The following NSUN3 variants were observed in gnomAD, a reference collection of about 807,000 sequenced individuals.
NSUN3 encodes tRNA (cytosine(34)-C(5))-methyltransferase, mitochondrial.
NSUN3 carries 24 observed loss-of-function variants against 36.8 expected under a neutral mutation model. That is an observed-to-expected ratio of 0.65 (90% CI 0.47 to 0.92). The LOEUF is 0.92. Ranked by LOEUF, NSUN3 falls within the 40% of genes least tolerant of loss-of-function variation. The pLI, the probability that NSUN3 is intolerant of heterozygous loss-of-function variation, is 0.00. For missense variants in NSUN3, 381 were observed against 392.8 expected (o/e 0.97, Z 0.25); for synonymous variants, 146 against 145.2 (o/e 1.01, Z -0.04).
At position 94,084,997 on chromosome 3, in the gene NSUN3, T is replaced by C. The variant is rs534210186; in HGVS notation, c.466+547T>C. 4 of 152,340 alleles carry C rather than the reference T, an allele frequency of 2.6e-5. No individual in the cohort carries two copies. The East Asian group carries it at 7.7e-4, about 29-fold the overall frequency. 9.4% of individuals were successfully genotyped at this position (152,340 alleles called of 1,614,324 possible). On this transcript the variant is annotated intron_variant, in intron 3 of 5. Transcript: ENST00000314622. ...ACATTCAAAATATTGTTTCAATATG[T>C]AATCAAAATAGAAATAATGAGATAT...
At chr3:94,112,465 A>G (rs1303192854) in intron 5 of NSUN3, among the ~76,000 whole-genome samples, 4 of 152,182 alleles carry the variant, frequency 2.6e-5, no homozygotes, top group African/African-American at 9.7e-5. Context: ...GAGACTCAAA[A>G]TAATAGGGAC....
intron 5 of NSUN3, among the ~76,000 whole-genome samples, chr3:94,117,783 C>T (rs1049507347): frequency 6.6e-6 from 1 of 152,108 alleles, no homozygotes; most frequent in African/African-American, 2.4e-5. Context: ...TAATCAAGAT[C>T]AACTTTGTTT....
chr3:94,079,973 G>A (rs975688099), intron 2 of NSUN3, among the ~76,000 whole-genome samples: 83 of 152,086 alleles, frequency 5.5e-4, no homozygotes, highest in African/African-American at 1.9e-3. Context: ...TTCCCTTGCC[G>A]GCGAGGAGTT....
Position 94,127,679 on chromosome 3 carries a change from T to C in NSUN3, c.*1189T>C, listed in dbSNP as rs933369253. Reference sequence around the variant, plus strand: ...CAAAAAATAGCATCTCTTTGGAAAATAGCCTTTAAAAAAAAACAACTTTAT... The same window carrying C: ...CAAAAAATAGCATCTCTTTGGAAAACAGCCTTTAAAAAAAAACAACTTTAT... On this transcript the variant is annotated 3_prime_UTR_variant, in exon 6 of 6. Coordinates refer to ENST00000314622, the MANE Select transcript of NSUN3 (RefSeq NM_022072.5). 6.6e-6 allele frequency: 1 copy of C among 152,050 alleles called. No homozygotes were observed. Among genetic ancestry groups the C allele is most frequent in the African/African-American group, 2.4e-5 (1 of 41,374 alleles). The allele number at this position is 152,050 out of a possible 1,614,324, so 9.4% of individuals were successfully genotyped here. A position where few individuals can be genotyped will look rare whatever the true frequency, so the allele number is the denominator to read the frequency against.
At chr3:94,077,645 C>T (rs1196374801) in intron 2 of NSUN3, among the ~76,000 whole-genome samples, 1 of 152,120 alleles carries the variant, frequency 6.6e-6, no homozygotes, top group Non-Finnish European at 1.5e-5. Flanking sequence ...AGGGATTCGA[C>T]TTCTTCCTGG....
intron 5 of NSUN3, among the ~76,000 whole-genome samples, chr3:94,110,640 A>T (rs920746935): frequency 2.0e-5 from 3 of 152,064 alleles, no homozygotes; most frequent in Non-Finnish European, 4.4e-5. Flanking sequence ...ACGATATCAT[A>T]AACAATGATT....
intron 2 of NSUN3, among the ~76,000 whole-genome samples, chr3:94,078,297 CT>C (rs1237772966): frequency 6.6e-6 from 1 of 152,180 alleles, no homozygotes; most frequent in East Asian, 1.9e-4. Context: ...TCACTGTGTT[CT>C]GAGAGACTGT....
In NSUN3 at chr3:94,127,785, C is replaced by T. The variant is rs1337507488; in HGVS notation, c.*1295C>T. On this transcript the variant is annotated 3_prime_UTR_variant, in exon 6 of 6. Coordinates refer to ENST00000314622, the MANE Select transcript of NSUN3 (RefSeq NM_022072.5). ...ATGTTCTGTGCCTTTAAACTAGAGA[C>T]TATTTGCTTATTAATATTTTTTGTT... The T allele has an allele frequency of 6.6e-6, 1 of 152,092 alleles. No homozygotes were observed. Among genetic ancestry groups the T allele is most frequent in the Non-Finnish European group, 1.5e-5 (1 of 68,016 alleles). 9.4% of individuals were successfully genotyped at this position (152,092 alleles called of 1,614,324 possible).
chr3:94,070,875 G>A (rs1051114850), intron 2 of NSUN3, among the ~76,000 whole-genome samples: 1 of 152,192 alleles, frequency 6.6e-6, no homozygotes, highest in African/African-American at 2.4e-5. Context: ...AAGGAGCCTT[G>A]ATTGAGATGT....
intron 5 of NSUN3, among the ~76,000 whole-genome samples, chr3:94,110,310 A>AG (rs1244382625): frequency 2.6e-5 from 4 of 151,406 alleles, no homozygotes; most frequent in Admixed American, 6.6e-5. Context: ...GATAACTTTC[A>AG]TTGATAGGAA....
chr3:94,090,333 A>G (rs1286357756), intron 3 of NSUN3, among the ~76,000 whole-genome samples: 1 of 152,198 alleles, frequency 6.6e-6, no homozygotes, highest in Admixed American at 6.5e-5. Flanking sequence ...AGTTTAACCA[A>G]CCTAAGACCA....
Position 94,089,170 on chromosome 3 carries a change from T to TA in NSUN3, c.466+4721dup, listed in dbSNP as rs374369723. On this transcript the variant is annotated intron_variant, in intron 3 of 5. Transcript: ENST00000314622. ...GCTTCCAGGTAAGTTTAAAGAAACT[T>TA]ACCATTATCCTTTGCAGCACTTTTT... is the stretch of plus-strand genomic sequence containing the variant. Among the ~76,000 whole-genome samples the TA allele has an allele frequency of 3.1e-3, 479 of 152,320 alleles. 3 individuals are homozygous for TA. Among genetic ancestry groups the TA allele is most frequent in the African/African-American group, 0.011 (448 of 41,568 alleles).
chr3:94,074,742 A>G (rs1167034663), intron 2 of NSUN3, among the ~76,000 whole-genome samples: 2 of 152,188 alleles, frequency 1.3e-5, no homozygotes, highest in Non-Finnish European at 2.9e-5. Flanking sequence ...CAATCATGTC[A>G]TCTGCAAACA....
At chr3:94,125,390 C>T (rs539427763) in intron 5 of NSUN3, among the ~76,000 whole-genome samples, 12 of 152,290 alleles carry the variant, frequency 7.9e-5, no homozygotes, top group African/African-American at 2.9e-4. Flanking sequence ...CTGACTGTTA[C>T]TCTGGAGGCT....
intron 5 of NSUN3, among the ~76,000 whole-genome samples, chr3:94,099,484 G>GTAAT (rs2077356330): frequency 6.6e-6 from 1 of 152,088 alleles, no homozygotes; most frequent in African/African-American, 2.4e-5. Context: ...AGGTTTTCAT[G>GTAAT]TAATCATATG....
At chr3:94,121,407 C>T (rs2077461269) in intron 5 of NSUN3, among the ~76,000 whole-genome samples, 1 of 152,202 alleles carries the variant, frequency 6.6e-6, no homozygotes, top group African/African-American at 2.4e-5. Context: ...CCAGGATAAT[C>T]TCCCCATTGC....
intron 2 of NSUN3, among the ~76,000 whole-genome samples, chr3:94,066,156 A>T (rs1046089910): frequency 2.0e-5 from 3 of 151,412 alleles, no homozygotes; most frequent in African/African-American, 4.9e-5. Context: ...TACTTAGTGT[A>T]CTCAGAAAGT....
At chr3:94,064,206 A>C in intron 1 of NSUN3, 1 of 515,038 alleles carries the variant, frequency 1.9e-6, no homozygotes, top group Non-Finnish European at 3.5e-6. Flanking sequence ...GCCCCAGTAG[A>C]TTCTGTTTTA....
At chr3:94,084,082 T>C (rs765512088) in intron 2 of NSUN3, 25 bp from the exon 3 acceptor site, 5 of 1,534,634 alleles carry the variant, frequency 3.3e-6, no homozygotes, top group Non-Finnish European at 4.5e-6. Context: ...TAATATTCTC[T>C]TATTTTCTCT....
Sources: allele counts gnomAD v4.1 joint callset (sites outside exome capture counted in the v4.1 genomes callset), GRCh38; gene constraint gnomAD v4.1.1; transcripts MANE v1.5; gene names NCBI Gene and HGNC (gene_info 2026-07-23, HGNC 2026-07-21).